NR3C2: variants seen among roughly 807,000 people sequenced by gnomAD.
NR3C2 encodes the protein mineralocorticoid receptor.
A neutral mutation model predicts 86.4 loss-of-function variants in NR3C2; 15 were observed. That is an observed-to-expected ratio of 0.17 (90% confidence interval 0.12 to 0.27). The LOEUF is 0.27. Ranked by LOEUF, NR3C2 falls within the 10% of genes least tolerant of loss-of-function variation. The probability of loss-of-function intolerance (pLI) is 1.00; values close to 1 mark genes in which losing one functional copy is unlikely to be tolerated. For missense variants in NR3C2, 960 were observed against 1,195.6 expected, an observed-to-expected ratio of 0.80 and a Z score of 2.91; for synonymous variants, 458 against 450.5, an observed-to-expected ratio of 1.02 and a Z score of -0.21.
At chr4:148,130,339 G>A (rs977524916) in intron 6 of NR3C2, among the ~76,000 whole-genome samples, 9 of 152,076 alleles carry the variant, frequency 5.9e-5, no homozygotes, top group Admixed American at 5.9e-4. Context: ...TCCACCTATG[G>A]GAACCTATGA....
intron 3 of NR3C2, among the ~76,000 whole-genome samples, chr4:148,230,465 G>A (rs1738404080): frequency 1.3e-5 from 2 of 152,154 alleles, no homozygotes; most frequent in Admixed American, 1.3e-4. Flanking sequence ...CCTAAGTGCT[G>A]GGATTACAGG....
chr4:148,092,604 C>A (rs1051788004), intron 8 of NR3C2, among the ~76,000 whole-genome samples: 10 of 152,154 alleles, frequency 6.6e-5, no homozygotes, highest in Non-Finnish European at 1.5e-4. Context: ...TAGTTTTATT[C>A]ATTGAGCCAA....
chr4:148,253,638 C>T (rs185411148), intron 3 of NR3C2, among the ~76,000 whole-genome samples: 2 of 152,296 alleles, frequency 1.3e-5, no homozygotes, highest in African/African-American at 4.8e-5. Flanking sequence ...AGATATCCAA[C>T]TACCTCTTAG....
At chr4:148,315,400 T>C (rs1404821431) in intron 2 of NR3C2, among the ~76,000 whole-genome samples, 1 of 152,168 alleles carries the variant, frequency 6.6e-6, no homozygotes, top group Non-Finnish European at 1.5e-5. Context: ...TTGAAGAAGA[T>C]AAAAATAAAC....
chr4:148,084,647 A>T (rs1214578505), intron 8 of NR3C2, among the ~76,000 whole-genome samples: 3 of 152,226 alleles, frequency 2.0e-5, no homozygotes, highest in Non-Finnish European at 4.4e-5. Flanking sequence ...TAATGACAGG[A>T]TTAAATTCAC....
At chr4:148,199,002 C>T (rs185822547) in intron 3 of NR3C2, among the ~76,000 whole-genome samples, 283 of 145,528 alleles carry the variant, frequency 1.9e-3, no homozygotes, top group African/African-American at 6.1e-3. Flanking sequence ...AGGAGAATGG[C>T]GTGAACCCGG....
intron 2 of NR3C2, among the ~76,000 whole-genome samples, chr4:148,406,675 G>A (rs1019507052): frequency 1.8e-4 from 28 of 152,024 alleles, no homozygotes; most frequent in Admixed American, 3.3e-4. Flanking sequence ...ATAGGAGGCC[G>A]GTAAAAGCTT....
Position 148,140,776 on chromosome 4 carries a change from T to C in NR3C2, c.2510+11693A>G, listed in dbSNP as rs139898220. Among the ~76,000 whole-genome samples, 57 of 152,334 alleles carry C rather than the reference T, an allele frequency of 3.7e-4. No individual in the cohort carries two copies. The East Asian group carries it at 0.011, about 28-fold the overall frequency. ...ATAAAGCTTGGATGTACTTCTTGCATCATTACTACTCTATCTGATCCCAAT... is the reference window on the plus strand; with the variant it reads ...ATAAAGCTTGGATGTACTTCTTGCACCATTACTACTCTATCTGATCCCAAT... On this transcript the variant is annotated intron_variant, in intron 6 of 8. Transcript: ENST00000358102.
chr4:148,279,813 C>T (rs765636513), intron 2 of NR3C2, among the ~76,000 whole-genome samples: 10 of 152,186 alleles, frequency 6.6e-5, no homozygotes, highest in African/African-American at 2.4e-4. Flanking sequence ...GCAACCTCTG[C>T]CCCCCGGGTT....
At chr4:148,276,161 G>T (rs1312001177) in intron 2 of NR3C2, among the ~76,000 whole-genome samples, 1 of 152,094 alleles carries the variant, frequency 6.6e-6, no homozygotes, top group Non-Finnish European at 1.5e-5. Flanking sequence ...GTCTTAATAT[G>T]TTTGACCCTG....
upstream of NR3C2, among the ~76,000 whole-genome samples, chr4:148,445,269 G>A (rs1192145222): frequency 6.6e-6 from 1 of 151,924 alleles, no homozygotes; most frequent in Non-Finnish European, 1.5e-5. Context: ...CGCGCGGGGG[G>A]CGGGAGGGAA....
chr4:148,429,399 C>G (rs2884445), intron 2 of NR3C2, among the ~76,000 whole-genome samples: 25,393 of 152,234 alleles, frequency 0.17, 2,435 homozygotes, highest in Middle Eastern at 0.37. Flanking sequence ...CTCATACTCC[C>G]TCCCTAAGGT....
At chr4:148,366,920 C>A (rs2126353266) in intron 2 of NR3C2, among the ~76,000 whole-genome samples, 1 of 152,166 alleles carries the variant, frequency 6.6e-6, no homozygotes, top group Middle Eastern at 3.4e-3. Flanking sequence ...TCAATAACAC[C>A]AACCTACAAA....
chr4:148,372,093 T>C (rs1044423473), intron 2 of NR3C2, among the ~76,000 whole-genome samples: 3 of 152,086 alleles, frequency 2.0e-5, no homozygotes, highest in East Asian at 3.8e-4. Flanking sequence ...TGAAGTAAAA[T>C]ACACATGCAT....
chr4:148,379,428 C>T (rs1246803707), intron 2 of NR3C2, among the ~76,000 whole-genome samples: 1 of 152,144 alleles, frequency 6.6e-6, no homozygotes, highest in Non-Finnish European at 1.5e-5. Flanking sequence ...GCAACATGCA[C>T]AGTAAGCTCA....
intron 8 of NR3C2, 79 bp from the exon 9 acceptor site, chr4:148,081,578 G>C (rs1730562693): frequency 1.3e-6 from 2 of 1,591,772 alleles, no homozygotes; most frequent in Non-Finnish European, 1.7e-6. Context: ...ACTTTGGTGG[G>C]AACTCAAATG....
At chr4:148,268,992 C>T (rs539920437) in intron 2 of NR3C2, among the ~76,000 whole-genome samples, 15 of 152,190 alleles carry the variant, frequency 9.9e-5, no homozygotes, top group Admixed American at 2.6e-4. Flanking sequence ...AAAACATGTT[C>T]GACAAGAGAA....
At chr4:148,416,235 A>G (rs1284034631) in intron 2 of NR3C2, among the ~76,000 whole-genome samples, 2 of 152,188 alleles carry the variant, frequency 1.3e-5, no homozygotes, top group Admixed American at 1.3e-4. Flanking sequence ...ATCTTTTTCC[A>G]TATGTATAAC....
intron 2 of NR3C2, among the ~76,000 whole-genome samples, chr4:148,396,957 C>T (rs1384911582): frequency 6.6e-6 from 1 of 151,810 alleles, no homozygotes; most frequent in Non-Finnish European, 1.5e-5. Flanking sequence ...ATCTAAGAAC[C>T]CTTCTTTTTC....
Sources: allele counts gnomAD v4.1 joint callset (sites outside exome capture counted in the v4.1 genomes callset), GRCh38; gene constraint gnomAD v4.1.1; transcripts MANE v1.5; gene names NCBI Gene and HGNC (gene_info 2026-07-23, HGNC 2026-07-21).